LUZP2: variants seen among roughly 807,000 people sequenced by gnomAD.
LUZP2 encodes the protein leucine zipper protein 2.
A neutral mutation model predicts 51.6 loss-of-function variants in LUZP2; 52 were observed. That is an observed-to-expected ratio of 1.01 (90% confidence interval 0.81 to 1.27). The LOEUF is 1.27. LUZP2 is among the 50% of genes most tolerant of loss of function. The pLI is 0.00. For synonymous variants in LUZP2, 154 were observed against 137.3 expected, an observed-to-expected ratio of 1.12 and a Z score of -0.85; for missense variants, 436 against 395.4, an observed-to-expected ratio of 1.10 and a Z score of -0.87.
At chr11:24,690,446 C>T (rs1343183144) in intron 1 of LUZP2, among the ~76,000 whole-genome samples, 3 of 152,082 alleles carry the variant, frequency 2.0e-5, no homozygotes, top group African/African-American at 7.2e-5. Context: ...GTTGCACAAA[C>T]TTATTTTATG....
intron 4 of LUZP2, among the ~76,000 whole-genome samples, chr11:24,762,564 A>G (rs1242143520): frequency 6.6e-6 from 1 of 152,214 alleles, no homozygotes; most frequent in Non-Finnish European, 1.5e-5. Flanking sequence ...TTCTTATTAT[A>G]GGGAACCCTC....
At chr11:24,760,433 A>G (rs1859939581) in intron 4 of LUZP2, among the ~76,000 whole-genome samples, 1 of 152,114 alleles carries the variant, frequency 6.6e-6, no homozygotes, top group African/African-American at 2.4e-5. Context: ...TTTTTCTATC[A>G]ACTTGAACTA....
chr11:24,855,985 C>T (rs10834507), intron 5 of LUZP2, among the ~76,000 whole-genome samples: 23,049 of 152,032 alleles, frequency 0.15, 1,905 homozygotes, highest in African/African-American at 0.2. Flanking sequence ...AATGTAAAAC[C>T]TGTAACTATT....
chr11:24,564,311 G>C (rs950976301), intron 1 of LUZP2, among the ~76,000 whole-genome samples: 5 of 152,064 alleles, frequency 3.3e-5, no homozygotes, highest in Non-Finnish European at 7.4e-5. Context: ...GACCTCTGGT[G>C]ATCTGGTTTT....
chr11:24,978,719 G>A (rs909266644), intron 8 of LUZP2, among the ~76,000 whole-genome samples: 14 of 151,636 alleles, frequency 9.2e-5, no homozygotes, highest in African/African-American at 3.1e-4. Context: ...GAGACATGAG[G>A]CAACAGAAGC....
At chr11:24,500,606 A>C (rs1046777241) in intron 1 of LUZP2, among the ~76,000 whole-genome samples, 2 of 152,186 alleles carry the variant, frequency 1.3e-5, no homozygotes, top group African/African-American at 2.4e-5. Context: ...GAGAAGGCTC[A>C]TGCTTTATTC....
chr11:24,833,053 T>C (rs1350919157), intron 5 of LUZP2, among the ~76,000 whole-genome samples: 1 of 152,208 alleles, frequency 6.6e-6, no homozygotes, highest in African/African-American at 2.4e-5. Context: ...AAGCAGTTGA[T>C]GAAGGGGTTT....
intron 1 of LUZP2, among the ~76,000 whole-genome samples, chr11:24,705,074 G>T (rs183876445): frequency 6.6e-6 from 1 of 152,016 alleles, no homozygotes; most frequent in East Asian, 1.9e-4. Flanking sequence ...CTCTTTTGGG[G>T]TATTTTTTTT....
Position 24,639,566 on chromosome 11 carries a change from C to T in LUZP2, c.63-89603C>T, listed in dbSNP as rs149444543. Among the ~76,000 whole-genome samples the T allele has an allele frequency of 1.2e-3, 188 of 151,810 alleles. 4 individuals carry two copies. The highest frequency in any genetic ancestry group is 4.3e-3 in the African/African-American group (176 of 41,172). On this transcript the variant is annotated intron_variant, in intron 1 of 11. Transcript: ENST00000336930. ...TCCTGGGTTCAAGCAATTCTCCTGC[C>T]GCAGCCTCCTGAGTAGATGGAATTA... is the stretch of plus-strand genomic sequence containing the variant.
intron 5 of LUZP2, among the ~76,000 whole-genome samples, chr11:24,838,457 C>T (rs888673318): frequency 6.6e-6 from 1 of 151,584 alleles, no homozygotes; most frequent in African/African-American, 2.4e-5. Context: ...TGATTCTAAA[C>T]ACAGCATTGT....
chr11:24,896,165 G>C (rs573651097), intron 5 of LUZP2, among the ~76,000 whole-genome samples: 2 of 152,332 alleles, frequency 1.3e-5, no homozygotes, highest in East Asian at 1.9e-4. Flanking sequence ...GTTCCTCCTC[G>C]TCCTAGGCTT....
chr11:24,847,085 T>C (rs1176622817), intron 5 of LUZP2, among the ~76,000 whole-genome samples: 1 of 151,866 alleles, frequency 6.6e-6, no homozygotes, highest in Admixed American at 6.6e-5. Context: ...TTTTTCTCAG[T>C]TACTTGAAAA....
At chr11:24,963,084 G>A (rs550473363) in intron 7 of LUZP2, among the ~76,000 whole-genome samples, 93 of 152,264 alleles carry the variant, frequency 6.1e-4, no homozygotes, top group African/African-American at 1.9e-3. Context: ...GCGGTTTTTC[G>A]TGAACCGCGA....
At chr11:24,786,096 C>T in intron 5 of LUZP2, 3 of 985,224 alleles carry the variant, frequency 3.0e-6, no homozygotes, top group Non-Finnish European at 3.6e-6. Context: ...TGGTATATGA[C>T]TGTATTTTTA....
chr11:24,802,308 A>G (rs568647422), intron 5 of LUZP2, among the ~76,000 whole-genome samples: 3 of 152,074 alleles, frequency 2.0e-5, no homozygotes, highest in Admixed American at 2.0e-4. Context: ...ATATTTACCC[A>G]TTCCTCTGTT....
At chr11:24,551,778 A>AT (rs767518549) in intron 1 of LUZP2, among the ~76,000 whole-genome samples, 2 of 152,160 alleles carry the variant, frequency 1.3e-5, no homozygotes, top group African/African-American at 2.4e-5. Flanking sequence ...AAAATAGGCT[A>AT]TTTTTTAAAA....
At chr11:24,767,109 T>A (rs1303105904) in intron 5 of LUZP2, among the ~76,000 whole-genome samples, 1 of 152,148 alleles carries the variant, frequency 6.6e-6, no homozygotes, top group Non-Finnish European at 1.5e-5. Flanking sequence ...TATGTTCTGG[T>A]AACAATGTTA....
Position 24,742,057 on chromosome 11 carries a change from T to TTATATATATATATATATA in LUZP2, c.333+3757_333+3774dup, listed in dbSNP as rs1554983398. The stretch of plus-strand genomic sequence containing the variant: ...TATAAATACATAAAAATAAATATAA[T>TTATATATATATATATATA]TATATATATATATATATATCACCAT... On this transcript the variant is annotated intron_variant, in intron 4 of 11. Transcript: ENST00000336930. Among the ~76,000 whole-genome samples the TTATATATATATATATATA allele has an allele frequency of 1.9e-4, 22 of 116,296 alleles. 1 individual carries two copies. Among genetic ancestry groups the TTATATATATATATATATA allele is most frequent in the East Asian group, 1.5e-3 (7 of 4,598 alleles). The allele number at this position is 116,296 out of a possible 152,430, so 76.3% of individuals were successfully genotyped here.
At chr11:25,024,315 A>G (rs1307211754) in intron 9 of LUZP2, among the ~76,000 whole-genome samples, 2 of 152,126 alleles carry the variant, frequency 1.3e-5, no homozygotes, top group Non-Finnish European at 2.9e-5. Context: ...GGCAAGAGAA[A>G]GCAATAAAGT....
Sources: gnomAD v4.1 joint callset for allele counts (sites outside exome capture counted in the v4.1 genomes callset) on GRCh38, gnomAD v4.1.1 for gene constraint, MANE v1.5 for transcripts, NCBI Gene and HGNC (gene_info 2026-07-23, HGNC 2026-07-21) for gene names.